Variants in PRMT1 observed in about 807,000 individuals in gnomAD.
The protein encoded by PRMT1 is protein arginine N-methyltransferase 1.
Under a neutral mutation model 47.4 loss-of-function variants are expected in PRMT1, and 5 were observed. The observed-to-expected ratio is 0.11, with a 90% CI of 0.06 to 0.22. PRMT1 has a LOEUF of 0.22. PRMT1 is among the 10% of genes least tolerant of loss of function. PRMT1 has a pLI of 1.00. For synonymous variants in PRMT1, 227 were observed against 204.6 expected (o/e 1.11, Z -0.94); for missense variants, 249 against 518.4 (o/e 0.48, Z 5.05).
Position 49,685,229 on chromosome 19 carries a change from G to A in PRMT1, c.759+192G>A. On this transcript the variant is annotated intron_variant, in intron 8 of 10. Transcript: ENST00000454376. The surrounding 1 kb of genome is among the most constrained non-coding windows in gnomAD (Gnocchi z 4.7). ...TAAATATCTTTGTGAGCGCTGCTGT[G>A]TGAGAACCATGCTTGGCACTTGGCT... The A allele has an allele frequency of 6.6e-7, 1 of 1,512,656 alleles. No individual in the cohort carries two copies. Among genetic ancestry groups the A allele is most frequent in the Non-Finnish European group, 8.8e-7 (1 of 1,133,234 alleles). 93.7% of individuals were successfully genotyped at this position (1,512,656 alleles called of 1,614,324 possible).
chr19:49,677,230 A>C (rs376902226), upstream of PRMT1: 731 of 1,397,524 alleles, frequency 5.2e-4, 1 homozygote, highest in Non-Finnish European at 6.5e-4. Context: ...CGGGGGAGTG[A>C]GGAGAAAGGG....
intron 5 of PRMT1, among the ~76,000 whole-genome samples, chr19:49,683,298 C>T (rs1468303894): frequency 2.0e-5 from 3 of 151,874 alleles, no homozygotes; most frequent in Admixed American, 1.3e-4. Context: ...TGTAATTTTC[C>T]CGGTAAATGC....
chr19:49,681,589 T>G lies in PRMT1; in HGVS notation c.193-321T>G, dbSNP rs1487772613. Among the ~76,000 whole-genome samples, 2 of 151,878 alleles carry G rather than the reference T, an allele frequency of 1.3e-5. No individual in the cohort carries two copies. Among genetic ancestry groups the G allele is most frequent in the Admixed American group, 1.3e-4 (2 of 15,256 alleles). The stretch of plus-strand genomic sequence containing the variant: ...CCCATCTGTATGAAAAATACAAAAA[T>G]TAGCCGGGCATGGTGGTGTGCACCT... On this transcript the variant is annotated intron_variant, in intron 3 of 10. Coordinates refer to ENST00000454376, the MANE Select transcript of PRMT1 (RefSeq NM_001536.6). The surrounding 1 kb of genome is among the most constrained non-coding windows in gnomAD (Gnocchi z 4.4).
chr19:49,680,107 T>A lies in PRMT1; in HGVS notation c.90+182T>A, dbSNP rs2082093597. ...CACAGCCCCCGCTGGCCTCCCCCAG[T>A]ATCGCCGCTACTTCCTTAACTCCAC... On this transcript the variant is annotated intron_variant, in intron 2 of 10. Transcript: ENST00000454376. The surrounding 1 kb of genome is among the most constrained non-coding windows in gnomAD (Gnocchi z 4.2). The A allele has an allele frequency of 2.8e-6, 3 of 1,080,648 alleles. No individual in the cohort carries two copies. The highest frequency in any genetic ancestry group is 4.1e-6 in the Non-Finnish European group (3 of 725,432). The allele number at this position is 1,080,648 out of a possible 1,614,324, so 66.9% of individuals were successfully genotyped here.
chr19:49,686,322 A>C, intron 9 of PRMT1, 79 bp downstream of exon 9: 1 of 1,484,114 alleles, frequency 6.7e-7, no homozygotes, highest in Non-Finnish European at 9.0e-7. Flanking sequence ...GGGGTGACAG[A>C]AACGGGCAGA....
chr19:49,681,796 G>A lies in PRMT1; in HGVS notation c.193-114G>A. On this transcript the variant is annotated intron_variant, in intron 3 of 10. Coordinates refer to ENST00000454376, the MANE Select transcript of PRMT1 (RefSeq NM_001536.6). This position sits in a 1 kb window ranked among gnomAD's most constrained non-coding sequence, Gnocchi z 4.4. ...ATAAATATAAAAGGGAAACTGAGGTGCATGGAAGAAAGCGAGAGGGCCGAG... is the reference window on the plus strand; with the variant it reads ...ATAAATATAAAAGGGAAACTGAGGTACATGGAAGAAAGCGAGAGGGCCGAG... 1 of 819,438 alleles carries A rather than the reference G, an allele frequency of 1.2e-6. No individual in the cohort carries two copies. The allele number at this position is 819,438 out of a possible 1,614,324, so 50.8% of individuals were successfully genotyped here. A position where few individuals can be genotyped will look rare whatever the true frequency, so the allele number is the denominator to read the frequency against.
rs576649607 is a variant in PRMT1 at position 49,677,298 on chromosome 19, C to G, written c.18C>G (p.Ala6=). The change falls in exon 1 of 11, where the codon GCC becomes GCG. Residue 6 remains alanine, a synonymous_variant. Coordinates refer to ENST00000454376, the MANE Select transcript of PRMT1 (RefSeq NM_001536.6). MAAAE[A]ANCIMENFVA... ...GGGTGAAGATGGCGGCAGCCGAGGC[C>G]GCGAACTGCATCATGGAGGTGAGCG... 29 of 1,410,312 alleles carry G rather than the reference C, an allele frequency of 2.1e-5. No homozygotes were observed. In the African/African-American group the frequency reaches 3.0e-4, roughly 14 times the overall value. The allele number at this position is 1,410,312 out of a possible 1,614,324, so 87.4% of individuals were successfully genotyped here.
rs1055810587 is a variant in PRMT1, at chr19:49,688,083, G to T, written c.1033-79G>T. Reference sequence around the variant, plus strand: ...GCAGGAAGCTGGAGCCCGGCTCATCGTCGCATAGCCTGCCTGCACCCGCCC... The same window carrying T: ...GCAGGAAGCTGGAGCCCGGCTCATCTTCGCATAGCCTGCCTGCACCCGCCC... On this transcript the variant is annotated intron_variant, in intron 10 of 10. Coordinates refer to ENST00000454376, the MANE Select transcript of PRMT1 (RefSeq NM_001536.6). This position sits in a 1 kb window ranked among gnomAD's most constrained non-coding sequence, Gnocchi z 5.3. 2 of 1,261,380 alleles carry T rather than the reference G, an allele frequency of 1.6e-6. No homozygotes were observed. The highest frequency in any genetic ancestry group is 1.2e-6 in the Non-Finnish European group (1 of 859,072). The allele number at this position is 1,261,380 out of a possible 1,614,324, so 78.1% of individuals were successfully genotyped here. A position where few individuals can be genotyped will look rare whatever the true frequency, so the allele number is the denominator to read the frequency against.
chr19:49,683,758 A>G (rs992037568), intron 5 of PRMT1, 169 bp from the exon 6 acceptor site: 32 of 728,438 alleles, frequency 4.4e-5, no homozygotes, highest in Non-Finnish European at 6.4e-5. Flanking sequence ...TCCTGCCTCA[A>G]AAATGTCCAG....
intron 10 of PRMT1, among the ~76,000 whole-genome samples, chr19:49,687,339 G>A (rs2123017846): frequency 6.6e-6 from 1 of 152,228 alleles, no homozygotes; most frequent in Middle Eastern, 3.4e-3. Flanking sequence ...GAGGATGGAA[G>A]GCTTGGAGCC....
chr19:49,682,180 C>T lies in PRMT1; in HGVS notation c.349-16C>T. 8.7e-6 allele frequency: 14 copies of T among 1,614,156 alleles called. No homozygotes were observed. The highest frequency in any genetic ancestry group is 1.2e-5 in the Non-Finnish European group (14 of 1,180,006). On this transcript the variant is annotated splice_polypyrimidine_tract_variant and intron_variant, in intron 4 of 10. Transcript: ENST00000454376. The stretch of plus-strand genomic sequence containing the variant: ...CAGGGGATGGGTCTCACCCTCCCTT[C>T]TTCCTGGGCCCTCAGATCGAGTGTT...
Position 49,680,685 on chromosome 19 carries a change from CT to C in PRMT1, c.192+98del. The C allele has an allele frequency of 9.9e-7, 1 of 1,012,004 alleles. No individual in the cohort carries two copies. Among genetic ancestry groups the C allele is most frequent in the Non-Finnish European group, 1.5e-6 (1 of 665,622 alleles). 62.7% of individuals were successfully genotyped at this position (1,012,004 alleles called of 1,614,324 possible). On this transcript the variant is annotated intron_variant, in intron 3 of 10. Transcript: ENST00000454376. This position sits in a 1 kb window ranked among gnomAD's most constrained non-coding sequence, Gnocchi z 4.2. ...TTCCCACGCATGCGCACTGCTTCCC[CT>C]GGCCGCAGGCCGCCCCCCTGCCCCT...
chr19:49,685,449 G>C lies in PRMT1; in HGVS notation c.759+412G>C. 1 of 1,165,336 alleles carries C rather than the reference G, an allele frequency of 8.6e-7. No homozygotes were observed. The highest frequency in any genetic ancestry group is 1.9e-5 in the South Asian group (1 of 53,898). The allele number at this position is 1,165,336 out of a possible 1,614,324, so 72.2% of individuals were successfully genotyped here. A position where few individuals can be genotyped will look rare whatever the true frequency, so the allele number is the denominator to read the frequency against. ...CACTTGGGCCTGGGAGTTCAAGGCT[G>C]CAGTGAGCTGTGATCACATCACTGC... On this transcript the variant is annotated intron_variant, in intron 8 of 10. Transcript: ENST00000454376. This position sits in a 1 kb window ranked among gnomAD's most constrained non-coding sequence, Gnocchi z 4.7.
Position 49,681,434 on chromosome 19 carries a change from T to A in PRMT1, c.193-476T>A, listed in dbSNP as rs781139053. Among the ~76,000 whole-genome samples the A allele has an allele frequency of 1.3e-5, 2 of 152,088 alleles. No homozygotes were observed. Among genetic ancestry groups the A allele is most frequent in the Non-Finnish European group, 2.9e-5 (2 of 68,016 alleles). On this transcript the variant is annotated intron_variant, in intron 3 of 10. Coordinates refer to ENST00000454376, the MANE Select transcript of PRMT1 (RefSeq NM_001536.6). This position sits in a 1 kb window ranked among gnomAD's most constrained non-coding sequence, Gnocchi z 4.4. ...AGATTGGAGTTTAGACCATCTAATCTGATTTTTTAAAAAGGGAAACTGGCT... is the reference window on the plus strand; with the variant it reads ...AGATTGGAGTTTAGACCATCTAATCAGATTTTTTAAAAAGGGAAACTGGCT...
rs2082078451 is a variant in PRMT1, at chr19:49,679,103, C to CA, written c.37-766dup. Among the ~76,000 whole-genome samples, 4 of 152,184 alleles carry CA rather than the reference C, an allele frequency of 2.6e-5. 1 individual carries two copies. The South Asian group carries it at 8.3e-4, about 32-fold the overall frequency. The stretch of plus-strand genomic sequence containing the variant: ...TTCACCATGTTGGTCAGGCTGGTCT[C>CA]AAACTCCTGACCTCAGGTGACCCAC... On this transcript the variant is annotated intron_variant, in intron 1 of 10. Coordinates refer to ENST00000454376, the MANE Select transcript of PRMT1 (RefSeq NM_001536.6).
chr19:49,681,328 C>T lies in PRMT1; in HGVS notation c.193-582C>T, dbSNP rs1321354314. Among the ~76,000 whole-genome samples the T allele has an allele frequency of 6.6e-6, 1 of 152,106 alleles. No individual in the cohort carries two copies. On this transcript the variant is annotated intron_variant, in intron 3 of 10. Coordinates refer to ENST00000454376, the MANE Select transcript of PRMT1 (RefSeq NM_001536.6). The surrounding 1 kb of genome is among the most constrained non-coding windows in gnomAD (Gnocchi z 4.4). ...CCTCCTGAGGTGCTGGGATTACAGG[C>T]GTGAGCCACCGCTCCCAGCCTGAGG... is the stretch of plus-strand genomic sequence containing the variant.
upstream of PRMT1, chr19:49,677,223 G>T: frequency 1.4e-6 from 2 of 1,396,756 alleles, no homozygotes. Flanking sequence ...GCGGTCCCGG[G>T]GGAGTGAGGA....
rs765839155 is a variant in PRMT1, at chr19:49,677,336, C to T, written c.36+20C>T. On this transcript the variant is annotated intron_variant, in intron 1 of 10. Coordinates refer to ENST00000454376, the MANE Select transcript of PRMT1 (RefSeq NM_001536.6). ...ATGGAGGTGAGCGCTTGGAGCGCCG[C>T]CGTGGGCGGGAGGCGGCTTTGGGTC... The T allele has an allele frequency of 7.2e-7, 1 of 1,389,638 alleles. No individual in the cohort carries two copies. 86.1% of individuals were successfully genotyped at this position (1,389,638 alleles called of 1,614,324 possible).
At chr19:49,677,738 C>T (rs2082058357) in intron 1 of PRMT1, 1 of 158,554 alleles carries the variant, frequency 6.3e-6, no homozygotes, top group Non-Finnish European at 1.4e-5. Context: ...GCCCTCCTCC[C>T]CGGGGACCTG....
Sources: gnomAD v4.1 joint callset for allele counts (sites outside exome capture counted in the v4.1 genomes callset) on GRCh38, gnomAD v4.1.1 for gene constraint, Gnocchi (gnomAD v3.1) non-coding constraint, MANE v1.5 for transcripts, NCBI Gene and HGNC (gene_info 2026-07-23, HGNC 2026-07-21) for gene names.